ZEB1: variants seen among roughly 807,000 people sequenced by gnomAD.
ZEB1 encodes the protein zinc finger E-box-binding homeobox 1.
Under a neutral mutation model 84.9 loss-of-function variants are expected in ZEB1, and 21 were observed. The ratio of observed to expected loss-of-function variants is 0.25; its 90% CI spans 0.18 to 0.36. ZEB1 has a LOEUF of 0.36. ZEB1 is among the 10% of genes least tolerant of loss of function. The probability of loss-of-function intolerance (pLI) is 1.00; values close to 1 mark genes in which losing one functional copy is unlikely to be tolerated. For missense variants in ZEB1, 1,104 were observed against 1,330.2 expected, an observed-to-expected ratio of 0.83 and a Z score of 2.65; for synonymous variants, 420 against 471.1, an observed-to-expected ratio of 0.89 and a Z score of 1.41.
chr10:31,503,827 AT>A (rs1271448503), intron 4 of ZEB1, among the ~76,000 whole-genome samples: 1 of 151,860 alleles, frequency 6.6e-6, no homozygotes, highest in Non-Finnish European at 1.5e-5. Flanking sequence ...GATGGTGAGC[AT>A]TTTTTTGTAT....
chr10:31,443,930 T>C (rs1369601413), intron 1 of ZEB1, among the ~76,000 whole-genome samples: 1 of 150,268 alleles, frequency 6.7e-6, no homozygotes, highest in East Asian at 2.0e-4. Flanking sequence ...ATATACCCAG[T>C]AATGGGATGG....
chr10:31,408,442 T>A (rs2053569079), intron 1 of ZEB1, among the ~76,000 whole-genome samples: 1 of 151,746 alleles, frequency 6.6e-6, no homozygotes, highest in Admixed American at 6.6e-5. Context: ...GCCAAGTCAA[T>A]CCTGAGCCAA....
At chr10:31,379,417 G>GTC (rs756434453) in intron 1 of ZEB1, among the ~76,000 whole-genome samples, 3 of 150,196 alleles carry the variant, frequency 2.0e-5, no homozygotes, top group African/African-American at 7.5e-5. Flanking sequence ...CTCTTTTTCT[G>GTC]TCTCTGTCTG....
Position 31,502,526 on chromosome 10 carries a change from A to G in ZEB1, c.484+17A>G. The G allele has an allele frequency of 6.2e-7, 1 of 1,613,652 alleles. No homozygotes were observed. On this transcript the variant is annotated intron_variant, in intron 4 of 8. Transcript: ENST00000424869. ...ATGAAAATGGTAAATGGATCTTAAC[A>G]GTTGTGTTTCTTTCCCTCTTTAAAG...
Position 31,446,253 on chromosome 10 carries a change from G to T in ZEB1, c.59-14784G>T, listed in dbSNP as rs983651104. On this transcript the variant is annotated intron_variant, in intron 1 of 8. Transcript: ENST00000424869. ...TGGTAGTTTGTATTTCTGTGGGATC[G>T]GTGGTGATATCCCCTTTATCATTTT... 3.1e-4 allele frequency among the ~76,000 whole-genome samples: 47 copies of T among 152,118 alleles called. 1 individual carries two copies. In the South Asian group the frequency reaches 9.6e-3, roughly 31 times the overall value.
At chr10:31,419,268 G>A (rs1162652818) in intron 1 of ZEB1, among the ~76,000 whole-genome samples, 1 of 152,130 alleles carries the variant, frequency 6.6e-6, no homozygotes, top group Non-Finnish European at 1.5e-5. Flanking sequence ...GCTGTAACAT[G>A]CATGAATGCC....
chr10:31,527,452 C>A lies in ZEB1; in HGVS notation c.*188C>A, dbSNP rs955401645. The A allele has an allele frequency of 3.4e-5, 23 of 682,878 alleles. No homozygotes were observed. Among genetic ancestry groups the A allele is most frequent in the African/African-American group, 1.7e-4 (8 of 47,854 alleles). 42.3% of individuals were successfully genotyped at this position (682,878 alleles called of 1,614,324 possible). A position where few individuals can be genotyped will look rare whatever the true frequency, so the allele number is the denominator to read the frequency against. On this transcript the variant is annotated 3_prime_UTR_variant, in exon 9 of 9. Transcript: ENST00000424869. ...ACACACACACACACACACACACACA[C>A]AAAATAAATCCGGGTGTGCCTGAAC...
At chr10:31,445,387 C>T (rs547193780) in intron 1 of ZEB1, among the ~76,000 whole-genome samples, 1 of 148,506 alleles carries the variant, frequency 6.7e-6, no homozygotes, top group Non-Finnish European at 1.5e-5. Flanking sequence ...TTCCTCTTTT[C>T]CTAATTGAAT....
rs1338224945 is a variant in ZEB1, at chr10:31,502,350, A to G, written c.325A>G (p.Lys109Glu). 1 of 1,613,596 alleles carries G rather than the reference A, an allele frequency of 6.2e-7. No homozygotes were observed. The highest frequency in any genetic ancestry group is 8.5e-7 in the Non-Finnish European group (1 of 1,179,676). The part of the protein sequence containing the change: ...AQADEAGCTV[K>E]DDECESDAEN... ...TTAAAAGTATGCATTTTTTTTAGTA[A>G]AAGATGATGAATGCGAGTCAGATGC... Residue 109 changes from lysine to glutamate, a missense_variant and splice_region_variant, in exon 4 of 9, where the codon AAA becomes GAA. Around this residue, in one of 7 missense-constraint regions of ZEB1, gnomAD observed 162 missense variants for 184.5 expected, o/e 0.88. Transcript: ENST00000424869.
chr10:31,356,643 T>C (rs982322620), intron 1 of ZEB1, among the ~76,000 whole-genome samples: 1 of 152,218 alleles, frequency 6.6e-6, no homozygotes, highest in Non-Finnish European at 1.5e-5. Flanking sequence ...TATGAACTTC[T>C]GTACTTTCTT....
chr10:31,440,912 C>T (rs577371962), intron 1 of ZEB1, among the ~76,000 whole-genome samples: 219 of 152,254 alleles, frequency 1.4e-3, no homozygotes, highest in African/African-American at 5.1e-3. Context: ...AAAGAGGATA[C>T]AAACAAATGG....
At chr10:31,323,412 A>G (rs553039371) in intron 1 of ZEB1, among the ~76,000 whole-genome samples, 2 of 152,198 alleles carry the variant, frequency 1.3e-5, no homozygotes, top group Admixed American at 6.5e-5. Context: ...TAGACTATGG[A>G]TGGGTTGGCA....
intron 2 of ZEB1, among the ~76,000 whole-genome samples, chr10:31,461,656 C>T (rs1011014351): frequency 6.6e-6 from 1 of 152,086 alleles, no homozygotes; most frequent in Non-Finnish European, 1.5e-5. Context: ...TTGTAAACCT[C>T]TCTATACATA....
At chr10:31,472,809 G>A (rs1380585794) in intron 2 of ZEB1, among the ~76,000 whole-genome samples, 22 of 139,136 alleles carry the variant, frequency 1.6e-4, no homozygotes, top group Admixed American at 3.4e-4. Context: ...AAAATCCTCA[G>A]TAAAATACTG....
intron 8 of ZEB1, among the ~76,000 whole-genome samples, chr10:31,525,292 A>G (rs1379205185): frequency 6.6e-6 from 1 of 152,200 alleles, no homozygotes; most frequent in Non-Finnish European, 1.5e-5. Flanking sequence ...AATAGTTGCC[A>G]ACTCCTGGCC....
intron 6 of ZEB1, among the ~76,000 whole-genome samples, chr10:31,515,081 G>T (rs1042423413): frequency 2.6e-5 from 4 of 152,060 alleles, no homozygotes; most frequent in Non-Finnish European, 4.4e-5. Flanking sequence ...ATAGGGAAGT[G>T]AAGACATCCT....
intron 6 of ZEB1, among the ~76,000 whole-genome samples, chr10:31,517,534 C>T (rs1028316947): frequency 1.3e-5 from 2 of 151,056 alleles, no homozygotes; most frequent in East Asian, 1.9e-4. Flanking sequence ...CATAGTATAC[C>T]GAACTTTGAG....
At chr10:31,452,736 TGTGTGTGA>T (rs1215642561) in intron 1 of ZEB1, among the ~76,000 whole-genome samples, 55 of 112,956 alleles carry the variant, frequency 4.9e-4, no homozygotes, top group African/African-American at 2.0e-3. Context: ...TGTGTGTGTG[TGTGTGTGA>T]GAGAGAGAGA....
rs555287986 is a variant in ZEB1, at chr10:31,393,975, C to T, written c.59-67062C>T. Among the ~76,000 whole-genome samples the T allele has an allele frequency of 2.6e-5, 4 of 152,248 alleles. No individual in the cohort carries two copies. In the South Asian group the frequency reaches 6.2e-4, roughly 24 times the overall value. On this transcript the variant is annotated intron_variant, in intron 1 of 8. Coordinates refer to ENST00000424869, the MANE Select transcript of ZEB1 (RefSeq NM_001174096.2). ...TAGGATATAAGTAAATATATTCAGT[C>T]ATCAAATCTATAGAGAACTGTGAGA...
Sources: allele counts gnomAD v4.1 joint callset (sites outside exome capture counted in the v4.1 genomes callset), GRCh38; gene constraint gnomAD v4.1.1; regional missense constraint gnomAD v4.1.1; transcripts MANE v1.5; gene names NCBI Gene and HGNC (gene_info 2026-07-23, HGNC 2026-07-21).